The following AKAP19 variants were observed in gnomAD, a reference collection of about 807,000 sequenced individuals.
AKAP19 encodes A-kinase anchoring protein 19.
chr2:190,073,301 A>T, the AKAP19 span, among the ~76,000 whole-genome samples: 1 of 152,232 alleles, frequency 6.6e-6, no homozygotes, highest in African/African-American at 2.4e-5. Flanking sequence ...TCTATAGATG[A>T]TTCTTCCAAA....
the AKAP19 span, among the ~76,000 whole-genome samples, chr2:190,185,932 G>C: frequency 1.3e-5 from 2 of 152,136 alleles, no homozygotes; most frequent in African/African-American, 2.4e-5. Flanking sequence ...GGAAGTTCTA[G>C]ATGCTTTACA....
At chr2:190,054,244 A>T in the AKAP19 span, among the ~76,000 whole-genome samples, 5 of 152,302 alleles carry the variant, frequency 3.3e-5, no homozygotes, top group Admixed American at 1.3e-4. Context: ...TAGGGAAAGG[A>T]TTCCCTATTT....
chr2:190,192,171 T>TG, the AKAP19 span, among the ~76,000 whole-genome samples: 1 of 152,178 alleles, frequency 6.6e-6, no homozygotes, highest in Non-Finnish European at 1.5e-5. Context: ...GGAGAGTATG[T>TG]GAATGTCCAA....
At chr2:189,924,494 T>G in the AKAP19 span, among the ~76,000 whole-genome samples, 2 of 152,244 alleles carry the variant, frequency 1.3e-5, no homozygotes, top group African/African-American at 4.8e-5. Context: ...ATAAAAATGA[T>G]GTATGGTTTT....
chr2:190,060,468 A>G, the AKAP19 span: 1 of 1,590,540 alleles, frequency 6.3e-7, no homozygotes, highest in Non-Finnish European at 8.5e-7. Flanking sequence ...AAGTTGCTGA[A>G]ATTATTTCCC....
At chr2:190,138,937 G>A in the AKAP19 span, among the ~76,000 whole-genome samples, 1 of 152,146 alleles carries the variant, frequency 6.6e-6, no homozygotes, top group African/African-American at 2.4e-5. Context: ...ACATCTGAAA[G>A]GAAGGATAAG....
At chr2:190,024,395 T>TAC in the AKAP19 span, among the ~76,000 whole-genome samples, 3 of 145,942 alleles carry the variant, frequency 2.1e-5, no homozygotes, top group African/African-American at 5.0e-5. Context: ...TATATATATA[T>TAC]ACATATATAT....
At chr2:190,059,360 C>T in the AKAP19 span, among the ~76,000 whole-genome samples, 64 of 151,936 alleles carry the variant, frequency 4.2e-4, no homozygotes, top group Middle Eastern at 3.4e-3. Flanking sequence ...CTAAATTAGT[C>T]GGCCTTCCCT....
the AKAP19 span, among the ~76,000 whole-genome samples, chr2:190,097,527 G>C: frequency 6.6e-6 from 1 of 152,076 alleles, no homozygotes; most frequent in Non-Finnish European, 1.5e-5. Context: ...CTGTTTGATA[G>C]CATTTTACCC....
the AKAP19 span, chr2:190,202,661 T>A: frequency 6.0e-6 from 1 of 166,906 alleles, no homozygotes; most frequent in South Asian, 2.1e-4. Flanking sequence ...GCAGGAGACA[T>A]ATAAAACAGA....
chr2:190,046,394 G>A, the AKAP19 span, among the ~76,000 whole-genome samples: 5 of 152,114 alleles, frequency 3.3e-5, no homozygotes, highest in Non-Finnish European at 2.9e-5. Flanking sequence ...ACTAATGGTG[G>A]CTATTAACAT....
At chr2:190,083,672 T>C in the AKAP19 span, among the ~76,000 whole-genome samples, 1 of 152,170 alleles carries the variant, frequency 6.6e-6, no homozygotes, top group Non-Finnish European at 1.5e-5. Flanking sequence ...ATGGTGTCCA[T>C]CATGCAACAT....
the AKAP19 span, among the ~76,000 whole-genome samples, chr2:189,990,706 A>G: frequency 6.6e-6 from 1 of 152,044 alleles, no homozygotes; most frequent in Non-Finnish European, 1.5e-5. Flanking sequence ...TTCTTTTTAA[A>G]AATTATTTAT....
chr2:190,094,694 C>T, the AKAP19 span, among the ~76,000 whole-genome samples: 1 of 152,156 alleles, frequency 6.6e-6, no homozygotes, highest in South Asian at 2.1e-4. Flanking sequence ...CACTGCCTTG[C>T]CTTCTGTCAC....
chr2:190,104,557 A>C, the AKAP19 span, among the ~76,000 whole-genome samples: 1 of 152,202 alleles, frequency 6.6e-6, no homozygotes, highest in Admixed American at 6.5e-5. Flanking sequence ...TTGGGTGGCC[A>C]AGATGGGTGG....
the AKAP19 span, among the ~76,000 whole-genome samples, chr2:190,178,391 G>C: frequency 6.6e-6 from 1 of 152,226 alleles, no homozygotes; most frequent in African/African-American, 2.4e-5. The surrounding 1 kb of genome is among the most constrained non-coding windows in gnomAD (Gnocchi z 6.3). Flanking sequence ...CTGGACCTGA[G>C]AGAGGCCCCA....
the AKAP19 span, among the ~76,000 whole-genome samples, chr2:189,931,535 A>T: frequency 2.0e-5 from 3 of 151,912 alleles, no homozygotes; most frequent in Admixed American, 6.6e-5. Flanking sequence ...CTAATTAAAA[A>T]TTTTTTTGTG....
At chr2:190,134,839 T>G in the AKAP19 span, among the ~76,000 whole-genome samples, 1 of 152,012 alleles carries the variant, frequency 6.6e-6, no homozygotes, top group Admixed American at 6.6e-5. Flanking sequence ...TGCTTACAGT[T>G]GTTTATAAAT....
chr2:190,062,692 G>T, the AKAP19 span: 1 of 1,217,700 alleles, frequency 8.2e-7, no homozygotes, highest in Non-Finnish European at 1.2e-6. Flanking sequence ...TTTAATGCAT[G>T]TACAGTCTGA....
Sources: allele counts gnomAD v4.1 joint callset (sites outside exome capture counted in the v4.1 genomes callset), GRCh38; gene constraint gnomAD v4.1.1; non-coding constraint Gnocchi (gnomAD v3.1); transcripts MANE v1.5; gene names NCBI Gene and HGNC (gene_info 2026-07-23, HGNC 2026-07-21).